Variants in STK3 observed in about 807,000 individuals in gnomAD.
STK3 encodes the protein serine/threonine-protein kinase 3.
In STK3, 41 loss-of-function variants were observed where a neutral mutation model predicts 58.0. That is an observed-to-expected ratio of 0.71 (90% CI 0.55 to 0.92). The LOEUF is 0.92. Among genes scored for constraint, STK3 ranks in the 40% least tolerant of loss-of-function variants. The pLI is 0.00. For synonymous variants in STK3, 170 were observed against 191.0 expected (o/e 0.89, Z 0.91); for missense variants, 479 against 602.7 (o/e 0.79, Z 2.15).
At chr8:98,824,195 G>A (rs1334658416) in intron 1 of STK3, among the ~76,000 whole-genome samples, 1 of 152,148 alleles carries the variant, frequency 6.6e-6, no homozygotes, top group African/African-American at 2.4e-5. Context: ...ATAAGACTCT[G>A]AATAAGCTAA....
At chr8:98,910,560 T>G (rs1422973786) in intron 1 of STK3, among the ~76,000 whole-genome samples, 1 of 152,234 alleles carries the variant, frequency 6.6e-6, no homozygotes, top group East Asian at 1.9e-4. Context: ...GACTCTTTTC[T>G]GAGGAATATT....
rs765463303 is a variant in STK3, at chr8:98,767,245, G to A, written c.234C>T (p.Asp78=). The A allele has an allele frequency of 1.1e-5, 17 of 1,604,658 alleles. No homozygotes were observed. The highest frequency in any genetic ancestry group is 6.7e-5 in the African/African-American group (5 of 74,344). The change falls in exon 3 of 11, where the codon GAC becomes GAT. Residue 78 remains aspartate (D), a splice_region_variant and synonymous_variant. Coordinates refer to ENST00000419617, the MANE Select transcript of STK3 (RefSeq NM_006281.4). ...AAAGAAATAAAATCTCTTCATACCTGTCACATTGCTGCATTATGGAAATTT... is the reference window on the plus strand; with the variant it reads ...AAAGAAATAAAATCTCTTCATACCTATCACATTGCTGCATTATGGAAATTT... The part of the protein sequence containing the change: ...IKEISIMQQC[D]SPYVVKYYGS...
chr8:98,907,068 T>C (rs746529112), intron 1 of STK3, among the ~76,000 whole-genome samples: 10 of 150,716 alleles, frequency 6.6e-5, no homozygotes, highest in Non-Finnish European at 1.5e-4. Context: ...TGAGGTGAGA[T>C]AATTGCTTGA....
intron 6 of STK3, among the ~76,000 whole-genome samples, chr8:98,627,203 A>G (rs988802328): frequency 7.2e-5 from 11 of 151,904 alleles, no homozygotes; most frequent in African/African-American, 2.4e-4. Flanking sequence ...ACATGGTAAA[A>G]CCCCGTCTCT....
chr8:98,364,431 C>A, the STK3 span, among the ~76,000 whole-genome samples: 1 of 152,148 alleles, frequency 6.6e-6, no homozygotes, highest in African/African-American at 2.4e-5. Flanking sequence ...CACACTGGGT[C>A]TCGGGAGGCC....
At chr8:98,494,143 C>T (rs902455242) in intron 10 of STK3, among the ~76,000 whole-genome samples, 1 of 152,146 alleles carries the variant, frequency 6.6e-6, no homozygotes, top group Admixed American at 6.5e-5. Flanking sequence ...AACTCCCAAC[C>T]TCCTTGTAAG....
intron 1 of STK3, among the ~76,000 whole-genome samples, chr8:98,917,206 T>C (rs981020261): frequency 2.6e-5 from 4 of 152,204 alleles, no homozygotes; most frequent in African/African-American, 7.2e-5. Context: ...TTAATTGCCT[T>C]GACACACAAT....
Position 98,700,563 on chromosome 8 carries a change from AT to A in STK3, c.684+5903del, listed in dbSNP as rs545183868. ...AATTTACTCTTAAACAGAGATTGTC[AT>A]GCTTTATGTGAGTTAAATTTCCAGA... On this transcript the variant is annotated intron_variant, in intron 6 of 10. Transcript: ENST00000419617. 9.8e-5 allele frequency among the ~76,000 whole-genome samples: 15 copies of A among 152,350 alleles called. No homozygotes were observed. In the South Asian group the frequency reaches 1.7e-3, roughly 17 times the overall value.
Position 98,666,326 on chromosome 8 carries a change from T to G in STK3, c.684+40141A>C, listed in dbSNP as rs567194668. On this transcript the variant is annotated intron_variant, in intron 6 of 10. Transcript: ENST00000419617. ...AGGTATATATTCAGCCACATGCTTC[T>G]CAATAAGAAAAATGATTTATCTACT... 1.4e-4 allele frequency among the ~76,000 whole-genome samples: 21 copies of G among 152,254 alleles called. 1 individual carries two copies. In the South Asian group the frequency reaches 2.9e-3, roughly 21 times the overall value.
chr8:98,415,076 C>G (rs7843191), intron 3 of STK3, among the ~76,000 whole-genome samples: 34,593 of 152,122 alleles, frequency 0.23, 4,906 homozygotes, highest in African/African-American at 0.4. Flanking sequence ...GGATTAGGCT[C>G]TCATAAAAGG....
intron 3 of STK3, among the ~76,000 whole-genome samples, chr8:98,409,129 C>T (rs763970971): frequency 6.6e-6 from 1 of 152,174 alleles, no homozygotes; most frequent in Non-Finnish European, 1.5e-5. Flanking sequence ...TTGAAGCTTT[C>T]TCAGAATTCA....
chr8:98,430,933 T>C (rs752921731), intron 3 of STK3: 5 of 167,132 alleles, frequency 3.0e-5, no homozygotes, highest in Admixed American at 1.3e-4. Context: ...AACCAGCACA[T>C]AACATTGTGA....
At chr8:98,368,025 G>C (rs1817580594), downstream of STK3, among the ~76,000 whole-genome samples, 1 of 151,880 alleles carries the variant, frequency 6.6e-6, no homozygotes, top group African/African-American at 2.4e-5. Flanking sequence ...GTCATTGACA[G>C]CTCTGGCCAT....
At chr8:98,679,314 G>GA (rs1231320674) in intron 6 of STK3, among the ~76,000 whole-genome samples, 2 of 152,112 alleles carry the variant, frequency 1.3e-5, no homozygotes, top group African/African-American at 2.4e-5. Flanking sequence ...CAGCACCACA[G>GA]AACTTGCAGT....
intron 6 of STK3, among the ~76,000 whole-genome samples, chr8:98,634,125 A>T (rs1473171532): frequency 1.3e-5 from 2 of 152,170 alleles, no homozygotes; most frequent in Non-Finnish European, 2.9e-5. Context: ...TGAAAACTTG[A>T]ATCAGCACAG....
chr8:98,619,975 C>T (rs1267100020), intron 6 of STK3, among the ~76,000 whole-genome samples: 115 of 95,260 alleles, frequency 1.2e-3, no homozygotes, highest in Non-Finnish European at 1.9e-3. Flanking sequence ...GGTATATACC[C>T]AAATGACTAT....
rs116799669 is a variant in STK3 at position 98,560,986 on chromosome 8, T to C, written c.949-12825A>G. On this transcript the variant is annotated intron_variant, in intron 8 of 10. Transcript: ENST00000419617. The stretch of plus-strand genomic sequence containing the variant: ...AGGTCAAGGCTGCAGTGAGCCGTGA[T>C]TGCTGTCACTGTACTCCAACCTGGT... 8.2e-3 allele frequency among the ~76,000 whole-genome samples: 1,255 copies of C among 152,200 alleles called. 16 individuals carry two copies. Among genetic ancestry groups the C allele is most frequent in the African/African-American group, 0.029 (1,190 of 41,552 alleles).
chr8:98,622,047 T>C lies in STK3; in HGVS notation c.685-25878A>G, dbSNP rs1004206128. On this transcript the variant is annotated intron_variant, in intron 6 of 10. Transcript: ENST00000419617. ...GGGAGGCTGAGGCAGGCAGATCACT[T>C]GAGGTCAGGAGTTCAAGACCAGCTT... 5.3e-5 allele frequency among the ~76,000 whole-genome samples: 8 copies of C among 150,462 alleles called. No homozygotes were observed. In the Admixed American group the frequency reaches 5.3e-4, roughly 10 times the overall value.
chr8:98,754,251 G>A (rs1052979002), intron 3 of STK3, among the ~76,000 whole-genome samples: 1 of 151,390 alleles, frequency 6.6e-6, no homozygotes, highest in African/African-American at 2.4e-5. Flanking sequence ...TGCAACATAT[G>A]AGAAACAAAA....
Sources: gnomAD v4.1 joint callset for allele counts (sites outside exome capture counted in the v4.1 genomes callset) on GRCh38, gnomAD v4.1.1 for gene constraint, MANE v1.5 for transcripts, NCBI Gene and HGNC (gene_info 2026-07-23, HGNC 2026-07-21) for gene names.